The following HYDIN variants were observed in gnomAD, a reference collection of about 807,000 sequenced individuals.
The protein encoded by HYDIN is axonemal central pair apparatus protein HYDIN.
A neutral mutation model predicts 403.9 loss-of-function variants in HYDIN; 132 were observed. The ratio of observed to expected loss-of-function variants is 0.33; its 90% confidence interval spans 0.28 to 0.38. HYDIN has a LOEUF of 0.38. Among genes scored for constraint, HYDIN ranks in the 10% least tolerant of loss-of-function variants. The pLI is 1.00. For missense variants in HYDIN, 2,827 were observed against 5,009.5 expected, an observed-to-expected ratio of 0.56 and a Z score of 13.15; for synonymous variants, 1,202 against 1,891.7, an observed-to-expected ratio of 0.64 and a Z score of 9.46.
chr16:70,842,014 G>T (rs543763937), intron 75 of HYDIN, among the ~76,000 whole-genome samples: 1 of 150,728 alleles, frequency 6.6e-6, no homozygotes, highest in African/African-American at 2.5e-5. Context: ...GTGTTAGGCT[G>T]GGCATCCCAA....
At chr16:71,016,231 G>A (rs2080253593) in intron 23 of HYDIN, among the ~76,000 whole-genome samples, 1 of 151,866 alleles carries the variant, frequency 6.6e-6, no homozygotes, top group Non-Finnish European at 1.5e-5. Flanking sequence ...TATCTGATAA[G>A]GGGTTAATCT....
intron 1 of HYDIN, among the ~76,000 whole-genome samples, chr16:71,226,829 T>C (rs578087841): frequency 3.3e-5 from 5 of 152,270 alleles, no homozygotes; most frequent in Admixed American, 3.3e-4. Context: ...AGATTCCTCT[T>C]CCTTACTCCT....
rs538009909 is a variant in HYDIN, at chr16:70,859,194, G to A, written c.12129+874C>T. On this transcript the variant is annotated intron_variant, in intron 71 of 85. Transcript: ENST00000393567. ...CGGGCGCTTGTAGTCCGAGCTACTCGGAAGGCTGAGTCAGGAGAATAGCGT... is the reference window on the plus strand; with the variant it reads ...CGGGCGCTTGTAGTCCGAGCTACTCAGAAGGCTGAGTCAGGAGAATAGCGT... Among the ~76,000 whole-genome samples, 10 of 152,246 alleles carry A rather than the reference G, an allele frequency of 6.6e-5. No homozygotes were observed. In the East Asian group the frequency reaches 1.5e-3, roughly 24 times the overall value.
chr16:70,944,123 A>G (rs774980122), intron 41 of HYDIN, among the ~76,000 whole-genome samples, 174 bp from the exon 42 acceptor site: 1 of 152,230 alleles, frequency 6.6e-6, no homozygotes, highest in African/African-American at 2.4e-5. Flanking sequence ...GAACCACTGT[A>G]AGTTTCAAGT....
intron 4 of HYDIN, among the ~76,000 whole-genome samples, chr16:71,177,375 A>C (rs2086711313): frequency 6.6e-6 from 1 of 152,206 alleles, no homozygotes; most frequent in South Asian, 2.1e-4. Context: ...ATAGAGCCCT[A>C]ATGTCTGTGC....
chr16:70,909,334 A>C (rs2076625166), intron 47 of HYDIN, among the ~76,000 whole-genome samples: 1 of 152,228 alleles, frequency 6.6e-6, no homozygotes, highest in Admixed American at 6.5e-5. Flanking sequence ...TGCTGTGTTT[A>C]ATAAGAAGTT....
At chr16:70,866,019 T>G (rs910550650) in intron 67 of HYDIN, 150 bp downstream of exon 67, 1 of 541,350 alleles carries the variant, frequency 1.8e-6, no homozygotes, top group Non-Finnish European at 3.3e-6. Flanking sequence ...GAATGTTTCA[T>G]TGGACCTAAG....
intron 4 of HYDIN, among the ~76,000 whole-genome samples, chr16:71,177,890 A>G (rs2086734918): frequency 6.6e-6 from 1 of 152,168 alleles, no homozygotes; most frequent in South Asian, 2.1e-4. Flanking sequence ...ACCCTAATTT[A>G]TCTCTAAAGA....
intron 3 of HYDIN, among the ~76,000 whole-genome samples, chr16:71,181,945 G>A (rs2086921755): frequency 6.6e-6 from 1 of 152,190 alleles, no homozygotes; most frequent in Non-Finnish European, 1.5e-5. Context: ...CAGACTGGGA[G>A]GTGGCTGCTC....
intron 45 of HYDIN, among the ~76,000 whole-genome samples, chr16:70,930,804 TATC>T (rs1236206603): frequency 6.6e-5 from 10 of 152,130 alleles, no homozygotes; most frequent in African/African-American, 2.4e-4. Flanking sequence ...AAACCTAAAA[TATC>T]AACATTCTTT....
intron 21 of HYDIN, among the ~76,000 whole-genome samples, chr16:71,021,785 G>A (rs1185980729): frequency 6.6e-6 from 1 of 151,984 alleles, no homozygotes; most frequent in Non-Finnish European, 1.5e-5. Context: ...TTTTCTCTTT[G>A]TGCCAATATC....
chr16:70,943,750 G>A, intron 42 of HYDIN, 62 bp downstream of exon 42: 1 of 1,570,676 alleles, frequency 6.4e-7, no homozygotes, highest in African/African-American at 1.3e-5. Context: ...CCTCTGTCCA[G>A]GGTGTGGGGA....
intron 29 of HYDIN, 109 bp from the exon 30 acceptor site, chr16:70,979,150 G>C: frequency 8.2e-7 from 1 of 1,220,632 alleles, no homozygotes; most frequent in Non-Finnish European, 1.1e-6. Context: ...AAGGTGGGAA[G>C]GGAAGTGGAC....
At position 71,175,507 on chromosome 16, in the gene HYDIN, C is replaced by CACG. The variant is rs1422984515; in HGVS notation, c.516+99_516+100insCGT. 13 of 1,242,056 alleles carry CACG rather than the reference C, an allele frequency of 1.0e-5. No individual in the cohort carries two copies. In the African/African-American group the frequency reaches 1.9e-4, roughly 19 times the overall value. The allele number at this position is 1,242,056 out of a possible 1,614,324, so 76.9% of individuals were successfully genotyped here. ...AGACCACCATCAATACCACCACCAC[C>CACG]ACCACCACCACCACCAGCACTACCG... is the stretch of plus-strand genomic sequence containing the variant. On this transcript the variant is annotated intron_variant, in intron 5 of 85. Coordinates refer to ENST00000393567, the MANE Select transcript of HYDIN (RefSeq NM_001270974.2).
At chr16:71,028,663 A>G (rs2080800811) in intron 19 of HYDIN, among the ~76,000 whole-genome samples, 1 of 151,342 alleles carries the variant, frequency 6.6e-6, no homozygotes, top group Non-Finnish European at 1.5e-5. Context: ...CTAGGCTTTG[A>G]GATTTCATCC....
intron 73 of HYDIN, 56 bp from the exon 74 acceptor site, chr16:70,850,711 A>G: frequency 8.0e-7 from 1 of 1,252,616 alleles, no homozygotes; most frequent in Non-Finnish European, 1.1e-6. Flanking sequence ...TCAAAACCTT[A>G]AAAAATATGA....
At chr16:70,892,592 G>A (rs1198844011) in intron 55 of HYDIN, 63 bp from the exon 56 acceptor site, 1 of 1,547,086 alleles carries the variant, frequency 6.5e-7, no homozygotes, top group East Asian at 2.3e-5. Context: ...ATCCCAGAGA[G>A]GAGACTCTAG....
rs1363372732 is a variant in HYDIN at position 70,807,929 on chromosome 16, G to A, written c.15017C>T (p.Ser5006Leu). Residue 5006 changes from serine to leucine, a missense_variant, in exon 86 of 86, where the codon TCA (serine) becomes TTA (leucine). Ser to Leu is a moderately radical substitution (Grantham distance 145). Coordinates refer to ENST00000393567, the MANE Select transcript of HYDIN (RefSeq NM_001270974.2). ...LGETKGILILSSLAGGEYIIP... is the reference protein window; with the variant it reads ...LGETKGILILLSLAGGEYIIP... ...GATATACTCTCCACCTGCGAGCGAT[G>A]ATAGGATCAGGATGCCCTTGGTCTC... 3 of 1,614,194 alleles carry A rather than the reference G, an allele frequency of 1.9e-6. No homozygotes were observed. Among genetic ancestry groups the A allele is most frequent in the Non-Finnish European group, 2.5e-6 (3 of 1,180,034 alleles).
At position 70,981,530 on chromosome 16, in the gene HYDIN, A is replaced by G. The variant is rs747441261; in HGVS notation, c.4371T>C (p.Val1457=). The G allele has an allele frequency of 5.0e-6, 8 of 1,612,686 alleles. No homozygotes were observed. The South Asian group carries it at 8.8e-5, about 18-fold the overall frequency. ...ISSHQEQVLK[V]YYLPGVPEVF... ...CCTCAGGTACTCCAGGTAGGTAGTA[A>G]ACTTTTAATACCTGCTCTTGATGTG... is the stretch of plus-strand genomic sequence containing the variant. Residue 1457 remains valine (V), a synonymous_variant, in exon 29 of 86, where the codon GTT becomes GTC. Transcript: ENST00000393567.
Sources: allele counts gnomAD v4.1 joint callset (sites outside exome capture counted in the v4.1 genomes callset), GRCh38; gene constraint gnomAD v4.1.1; transcripts MANE v1.5; gene names NCBI Gene and HGNC (gene_info 2026-07-23, HGNC 2026-07-21).